The following GPC5 variants were observed in gnomAD, a reference collection of about 807,000 sequenced individuals.
GPC5 encodes glypican 5.
GPC5 carries 47 observed loss-of-function variants against 53.9 expected under a neutral mutation model. That is an observed-to-expected ratio of 0.87 (90% confidence interval 0.69 to 1.11). The LOEUF (loss-of-function observed/expected upper bound fraction) is 1.11, where lower values mean the gene tolerates loss of function less well. Ranked by LOEUF, GPC5 falls within the 50% of genes most tolerant of loss-of-function variation. The probability of loss-of-function intolerance (pLI) is 0.00; values close to 1 mark genes in which losing one functional copy is unlikely to be tolerated. For missense variants in GPC5, 748 were observed against 713.1 expected (o/e 1.05, Z -0.56); for synonymous variants, 286 against 263.3 (o/e 1.09, Z -0.84).
chr13:91,734,720 G>A (rs1354766467), intron 4 of GPC5, among the ~76,000 whole-genome samples: 1 of 151,196 alleles, frequency 6.6e-6, no homozygotes, highest in African/African-American at 2.5e-5. Context: ...TTCCTTTGGT[G>A]GTGAATAAAG....
chr13:91,937,736 A>C (rs2039884445), intron 6 of GPC5, among the ~76,000 whole-genome samples: 1 of 152,092 alleles, frequency 6.6e-6, no homozygotes, highest in South Asian at 2.1e-4. Context: ...GTTTATTTAG[A>C]CCGGATAAGA....
At chr13:91,590,965 C>G (rs898820591) in intron 2 of GPC5, among the ~76,000 whole-genome samples, 31 of 152,144 alleles carry the variant, frequency 2.0e-4, no homozygotes, top group Admixed American at 2.0e-3. Context: ...TTCCTAGTTA[C>G]GTGACTGTGC....
At chr13:92,659,085 C>T (rs1886245067) in intron 7 of GPC5, 1 of 150,308 alleles carries the variant, frequency 6.7e-6, no homozygotes, top group Non-Finnish European at 1.5e-5. Context: ...CCCGCCACTA[C>T]GCCCGGCTAA....
rs370410774 is a variant in GPC5 at position 92,569,541 on chromosome 13, G to A, written c.1562-296741G>A. Among the ~76,000 whole-genome samples the A allele has an allele frequency of 4.6e-5, 7 of 152,152 alleles. No homozygotes were observed. The South Asian group carries it at 1.5e-3, about 32-fold the overall frequency. Reference sequence around the variant, plus strand: ...CCTCATCTTAGAATGTCTTGTCTGTGCTAAATAAAATTGCCAGCCACTAAA... The same window carrying A: ...CCTCATCTTAGAATGTCTTGTCTGTACTAAATAAAATTGCCAGCCACTAAA... On this transcript the variant is annotated intron_variant, in intron 7 of 7. Coordinates refer to ENST00000377067, the MANE Select transcript of GPC5 (RefSeq NM_004466.6).
intron 6 of GPC5, among the ~76,000 whole-genome samples, chr13:92,039,702 G>A (rs928514662): frequency 2.0e-5 from 3 of 152,172 alleles, no homozygotes; most frequent in Admixed American, 1.3e-4. Context: ...CTGATGCTTC[G>A]CTCCTTGGCT....
intron 7 of GPC5, among the ~76,000 whole-genome samples, chr13:92,232,047 TAAAG>T (rs941699367): frequency 1.3e-5 from 2 of 152,276 alleles, no homozygotes; most frequent in Admixed American, 1.3e-4. Context: ...CTTGATGTAA[TAAAG>T]AAATCTTAAT....
chr13:91,625,714 C>T (rs1365124100), intron 2 of GPC5, among the ~76,000 whole-genome samples: 1 of 152,018 alleles, frequency 6.6e-6, no homozygotes, highest in African/African-American at 2.4e-5. Context: ...ATCAGAACTA[C>T]GTCTTTAACC....
At chr13:91,482,122 G>A (rs1429851271) in intron 2 of GPC5, among the ~76,000 whole-genome samples, 1 of 152,176 alleles carries the variant, frequency 6.6e-6, no homozygotes, top group Non-Finnish European at 1.5e-5. Context: ...AACTCATGTT[G>A]AAACTTTATT....
At chr13:91,847,721 T>C (rs2138884582) in intron 5 of GPC5, among the ~76,000 whole-genome samples, 1 of 152,310 alleles carries the variant, frequency 6.6e-6, no homozygotes, top group South Asian at 2.1e-4. Context: ...GAAACAAAAC[T>C]TTCCTTATTC....
chr13:92,669,960 T>C (rs1886693281), intron 7 of GPC5, among the ~76,000 whole-genome samples: 1 of 152,222 alleles, frequency 6.6e-6, no homozygotes, highest in Non-Finnish European at 1.5e-5. Context: ...TATGTTTTTC[T>C]ACATTTATAC....
At chr13:92,775,838 A>T (rs1261534164) in intron 7 of GPC5, among the ~76,000 whole-genome samples, 1 of 152,236 alleles carries the variant, frequency 6.6e-6, no homozygotes, top group East Asian at 1.9e-4. Flanking sequence ...CCAATAAATC[A>T]TACAGCCTGT....
chr13:92,458,224 T>C (rs1218142023), intron 7 of GPC5, among the ~76,000 whole-genome samples: 2 of 149,368 alleles, frequency 1.3e-5, no homozygotes, highest in Non-Finnish European at 3.0e-5. Context: ...GCTTAAAGGC[T>C]GGGGAATGTT....
chr13:92,672,987 A>G (rs12854471), intron 7 of GPC5, among the ~76,000 whole-genome samples: 33,586 of 152,064 alleles, frequency 0.22, 4,370 homozygotes, highest in South Asian at 0.36. Context: ...CCCCCATGAC[A>G]CAAGTTTACC....
intron 7 of GPC5, among the ~76,000 whole-genome samples, chr13:92,404,862 C>T (rs1413513296): frequency 6.7e-6 from 1 of 149,820 alleles, no homozygotes; most frequent in African/African-American, 2.5e-5. Flanking sequence ...TAAGGTGGTA[C>T]TTTACAAGTA....
chr13:91,496,728 C>T (rs1187412395), intron 2 of GPC5, among the ~76,000 whole-genome samples: 8 of 152,072 alleles, frequency 5.3e-5, no homozygotes, highest in Non-Finnish European at 8.8e-5. Context: ...GACAGCATAA[C>T]AGGGTGACTA....
Position 92,637,626 on chromosome 13 carries a change from G to T in GPC5, c.1562-228656G>T, listed in dbSNP as rs542086215. Among the ~76,000 whole-genome samples the T allele has an allele frequency of 3.5e-4, 54 of 152,248 alleles. 1 individual carries two copies. The highest frequency in any genetic ancestry group is 1.2e-3 in the African/African-American group (48 of 41,546). ...GCAAAGCTTAAAAGCAAACTTCAAC[G>T]CAAGCAAATTATTCCTAAGTAACTT... On this transcript the variant is annotated intron_variant, in intron 7 of 7. Transcript: ENST00000377067.
intron 7 of GPC5, among the ~76,000 whole-genome samples, chr13:92,854,554 T>C (rs9523816): frequency 0.2 from 30,037 of 151,670 alleles, 3,657 homozygotes; most frequent in Non-Finnish European, 0.28. Context: ...ACATATGATA[T>C]GTAATATTTC....
chr13:92,265,615 C>T (rs539794570), intron 7 of GPC5, among the ~76,000 whole-genome samples: 3 of 152,164 alleles, frequency 2.0e-5, no homozygotes, highest in Non-Finnish European at 4.4e-5. Context: ...TCTGAACTCT[C>T]ACCAGAATCC....
chr13:91,721,101 CTTTCTTTCTTTCTTTCTTTCTTTCTT>C (rs1312208696), intron 3 of GPC5, among the ~76,000 whole-genome samples: 3 of 135,670 alleles, frequency 2.2e-5, no homozygotes, highest in Non-Finnish European at 4.7e-5. Context: ...TTCTTTCTTT[CTTTCTTTCTTTCTTTCTTTCTTTCTT>C]TCTTTCTTTC....
Sources: allele counts gnomAD v4.1 joint callset (sites outside exome capture counted in the v4.1 genomes callset), GRCh38; gene constraint gnomAD v4.1.1; transcripts MANE v1.5; gene names NCBI Gene and HGNC (gene_info 2026-07-23, HGNC 2026-07-21).